Variants in CACNB2 observed in about 807,000 individuals in gnomAD.
CACNB2 encodes the protein voltage-dependent L-type calcium channel subunit beta-2.
CACNB2 carries 42 observed loss-of-function variants against 73.3 expected under a neutral mutation model. The ratio of observed to expected loss-of-function variants is 0.57; its 90% CI spans 0.45 to 0.74. The LOEUF (loss-of-function observed/expected upper bound fraction) is 0.74. CACNB2 is among the 30% of genes least tolerant of loss of function. The pLI is 0.00. For synonymous variants in CACNB2, 348 were observed against 310.3 expected, an observed-to-expected ratio of 1.12 and a Z score of -1.28; for missense variants, 940 against 853.0, an observed-to-expected ratio of 1.10 and a Z score of -1.27.
intron 2 of CACNB2, among the ~76,000 whole-genome samples, chr10:18,220,191 ATATGTGTGTG>A (rs1383688337): frequency 0.098 from 4,769 of 48,488 alleles, 876 homozygotes; most frequent in East Asian, 0.29. Flanking sequence ...ATATACATAT[ATATGTGTGTG>A]TATATATATA....
At chr10:18,277,288 C>A (rs1290279311) in intron 2 of CACNB2, among the ~76,000 whole-genome samples, 1 of 152,238 alleles carries the variant, frequency 6.6e-6, no homozygotes, top group African/African-American at 2.4e-5. Flanking sequence ...ATAAAGGCAA[C>A]ACCCTTTAAG....
chr10:18,448,693 G>A (rs756547653), intron 3 of CACNB2, among the ~76,000 whole-genome samples: 3 of 152,068 alleles, frequency 2.0e-5, no homozygotes, highest in Non-Finnish European at 4.4e-5. Context: ...ATGACAATTT[G>A]ACAACCTCCA....
chr10:18,158,103 C>T (rs2032191219), intron 2 of CACNB2, among the ~76,000 whole-genome samples: 1 of 152,026 alleles, frequency 6.6e-6, no homozygotes, highest in African/African-American at 2.4e-5. Context: ...TTTTGGAATT[C>T]TGAAAGTCCT....
intron 9 of CACNB2, among the ~76,000 whole-genome samples, chr10:18,521,038 C>T (rs1459689888): frequency 6.6e-6 from 1 of 152,220 alleles, no homozygotes; most frequent in Non-Finnish European, 1.5e-5. Context: ...TGGAGCAGTA[C>T]TCAACATGAG....
intron 2 of CACNB2, among the ~76,000 whole-genome samples, chr10:18,280,448 T>C (rs1258854039): frequency 1.3e-5 from 2 of 152,170 alleles, no homozygotes; most frequent in Non-Finnish European, 2.9e-5. Flanking sequence ...TAAAGTCTAC[T>C]ATTGAATTCG....
chr10:18,268,943 A>G (rs2037929698), intron 2 of CACNB2, among the ~76,000 whole-genome samples: 1 of 152,086 alleles, frequency 6.6e-6, no homozygotes, highest in Non-Finnish European at 1.5e-5. Context: ...CTTCTTCTTG[A>G]TCAAGAAGTG....
intron 3 of CACNB2, among the ~76,000 whole-genome samples, chr10:18,490,237 C>A (rs1435446579): frequency 6.6e-6 from 1 of 152,146 alleles, no homozygotes; most frequent in Non-Finnish European, 1.5e-5. Context: ...TTGGTACTTA[C>A]GAATTTATTT....
At chr10:18,523,467 A>G (rs1326701260) in intron 9 of CACNB2, among the ~76,000 whole-genome samples, 1 of 152,024 alleles carries the variant, frequency 6.6e-6, no homozygotes, top group African/African-American at 2.4e-5. Context: ...TAAACAAAAT[A>G]TCTTAAAGTA....
At chr10:18,261,171 A>T (rs1038626476) in intron 2 of CACNB2, 12 of 1,547,280 alleles carry the variant, frequency 7.8e-6, no homozygotes, top group South Asian at 1.2e-5. Flanking sequence ...CTTACCTGGG[A>T]GTAGAAGGTG....
At chr10:18,146,152 A>T (rs1375026147) in intron 1 of CACNB2, among the ~76,000 whole-genome samples, 1 of 152,126 alleles carries the variant, frequency 6.6e-6, no homozygotes, top group African/African-American at 2.4e-5. Flanking sequence ...CCCTTAGCTT[A>T]TTCACACTAA....
chr10:18,354,915 C>G (rs1033373228), intron 2 of CACNB2, among the ~76,000 whole-genome samples: 1 of 131,512 alleles, frequency 7.6e-6, no homozygotes, highest in Non-Finnish European at 1.7e-5. Context: ...AATCCGAAAT[C>G]CAAAACTTTT....
At chr10:18,244,578 A>G (rs1189307169) in intron 2 of CACNB2, among the ~76,000 whole-genome samples, 1 of 152,176 alleles carries the variant, frequency 6.6e-6, no homozygotes, top group Non-Finnish European at 1.5e-5. Context: ...TTAATTTCAA[A>G]TTTCTGGACA....
chr10:18,171,408 T>TGTCTCCCCCGCATGG (rs937938419), intron 2 of CACNB2, among the ~76,000 whole-genome samples: 2 of 138,888 alleles, frequency 1.4e-5, no homozygotes, highest in Non-Finnish European at 3.2e-5. Flanking sequence ...GCCTGGACTG[T>TGTCTCCCCCGCATGG]GTCTCCCCCG....
intron 3 of CACNB2, among the ~76,000 whole-genome samples, chr10:18,471,318 A>T (rs2048177211): frequency 6.6e-6 from 1 of 152,180 alleles, no homozygotes; most frequent in Non-Finnish European, 1.5e-5. Context: ...GAAAGAAAGA[A>T]AGGAAGAAAG....
intron 2 of CACNB2, among the ~76,000 whole-genome samples, chr10:18,374,757 T>G (rs1194881650): frequency 2.0e-5 from 3 of 152,194 alleles, no homozygotes; most frequent in African/African-American, 7.2e-5. Context: ...AAATGCCACT[T>G]TCCTTATGCA....
chr10:18,192,854 A>G (rs1042754037), intron 2 of CACNB2, among the ~76,000 whole-genome samples: 3 of 152,198 alleles, frequency 2.0e-5, no homozygotes, highest in African/African-American at 7.2e-5. Context: ...TAGTATTATC[A>G]TCATAATATT....
At chr10:18,284,920 G>A (rs562696430) in intron 2 of CACNB2, among the ~76,000 whole-genome samples, 1 of 152,334 alleles carries the variant, frequency 6.6e-6, no homozygotes, top group Admixed American at 6.5e-5. Context: ...CTAAATCACA[G>A]ATTTGGTCCC....
At chr10:18,278,607 CTA>C (rs1282444811) in intron 2 of CACNB2, among the ~76,000 whole-genome samples, 1 of 151,980 alleles carries the variant, frequency 6.6e-6, no homozygotes, top group African/African-American at 2.4e-5. Context: ...TTTATATAGA[CTA>C]AAATTTTATT....
At chr10:18,182,620 G>C (rs2033946034) in intron 2 of CACNB2, among the ~76,000 whole-genome samples, 1 of 151,452 alleles carries the variant, frequency 6.6e-6, no homozygotes, top group Non-Finnish European at 1.5e-5. Flanking sequence ...TCAGGAGTTT[G>C]AGACCAGCCT....
Sources: allele counts gnomAD v4.1 joint callset (sites outside exome capture counted in the v4.1 genomes callset), GRCh38; gene constraint gnomAD v4.1.1; transcripts MANE v1.5; gene names NCBI Gene and HGNC (gene_info 2026-07-23, HGNC 2026-07-21).